SMARCA4: variants seen among roughly 807,000 people sequenced by gnomAD.
The protein encoded by SMARCA4 is SWI/SNF-related matrix-associated actin-dependent regulator of chromatin subfamily A member 4.
Under a neutral mutation model 193.9 loss-of-function variants are expected in SMARCA4, and 31 were observed. That is an observed-to-expected ratio of 0.16 (90% CI 0.12 to 0.22). The LOEUF (loss-of-function observed/expected upper bound fraction) is 0.22, where lower values mean the gene tolerates loss of function less well. SMARCA4 is among the 10% of genes least tolerant of loss of function. The pLI, the probability that SMARCA4 is intolerant of heterozygous loss-of-function variation, is 1.00. For missense variants in SMARCA4, 1,148 were observed against 2,296.0 expected (o/e 0.50, Z 10.22); for synonymous variants, 942 against 933.1 (o/e 1.01, Z -0.17).
At chr19:10,998,895 CTT>C (rs1335988156) in intron 11 of SMARCA4, among the ~76,000 whole-genome samples, 52 of 138,310 alleles carry the variant, frequency 3.8e-4, no homozygotes, top group Admixed American at 5.8e-4. Flanking sequence ...GTCCTGGTTC[CTT>C]TTTTTTTTTT....
intron 34 of SMARCA4, 129 bp from the exon 35 acceptor site, chr19:11,061,655 C>T (rs566944002): frequency 1.2e-5 from 11 of 891,250 alleles, no homozygotes; most frequent in Admixed American, 5.2e-5. Context: ...GGATTACGGG[C>T]GTGAGCCACC....
rs2145943418 is a variant in SMARCA4, at chr19:10,995,006, G to C, written c.1593+5G>C. ...GAGCGCATGCGGAGGCTCATGGTAT[G>C]GTCCTGCCTTCTTGACGTGCGCTCT... is the stretch of plus-strand genomic sequence containing the variant. On this transcript the variant is annotated splice_donor_5th_base_variant and intron_variant, in intron 9 of 34. Transcript: ENST00000344626. 1 of 1,608,520 alleles carries C rather than the reference G, an allele frequency of 6.2e-7. No homozygotes were observed. The highest frequency in any genetic ancestry group is 8.5e-7 in the Non-Finnish European group (1 of 1,177,076).
chr19:11,035,246 ACTCC>A, intron 29 of SMARCA4, 114 bp downstream of exon 29: 1 of 995,130 alleles, frequency 1.0e-6, no homozygotes, highest in Non-Finnish European at 1.6e-6. Context: ...TCCTTGGGCC[ACTCC>A]TGGCCAGGCT....
At chr19:11,015,635 A>G (rs1024479475) in intron 16 of SMARCA4, among the ~76,000 whole-genome samples, 1 of 151,996 alleles carries the variant, frequency 6.6e-6, no homozygotes, top group African/African-American at 2.4e-5. Context: ...TTCTCTTCCT[A>G]CTTTCCTCAA....
In SMARCA4 at chr19:10,986,943, G is replaced by T. The variant is rs2086105423; in HGVS notation, c.799G>T (p.Gly267Cys). 6.2e-7 allele frequency: 1 copy of T among 1,611,950 alleles called. No homozygotes were observed. Residue 267 changes from glycine (G) to cysteine (C), a missense_variant, in exon 5 of 35, where the codon GGC (glycine) becomes TGC (cysteine). Physicochemically the swap from Gly to Cys is radical, Grantham distance 159. Around this residue, in one of 17 missense-constraint regions of SMARCA4, gnomAD observed 257 missense variants for 276.5 expected, o/e 0.93. Transcript: ENST00000344626. This position sits in a 1 kb window ranked among gnomAD's most constrained non-coding sequence, Gnocchi z 6.7. ...CAACATGCCTCCCCCAGGACCCTCG[G>T]GCGTGCCCCCCGGGATGCCAGGCCA... ...GPNMPPPGPS[G>C]VPPGMPGQPP...
chr19:11,030,117 C>T lies in SMARCA4; in HGVS notation c.3383-613C>T, dbSNP rs111669896. Reference sequence around the variant, plus strand: ...CGTGGGTTGTCACCCAGGAGACCTGCTCTGGCTCCTTGACTTGGGTTTTCT... The same window carrying T: ...CGTGGGTTGTCACCCAGGAGACCTGTTCTGGCTCCTTGACTTGGGTTTTCT... On this transcript the variant is annotated intron_variant, in intron 24 of 34. Transcript: ENST00000344626. The surrounding 1 kb of genome is among the most constrained non-coding windows in gnomAD (Gnocchi z 5.5). Among the ~76,000 whole-genome samples the T allele has an allele frequency of 3.2e-3, 480 of 152,334 alleles. 6 individuals carry two copies. Among genetic ancestry groups the T allele is most frequent in the African/African-American group, 0.011 (463 of 41,582 alleles).
chr19:11,036,162 G>T (rs997166072), intron 29 of SMARCA4, among the ~76,000 whole-genome samples: 16 of 152,200 alleles, frequency 1.1e-4, no homozygotes, highest in Non-Finnish European at 4.4e-5. Context: ...CTGTTCCCCA[G>T]CCAGCCTCCC....
chr19:11,061,060 C>T (rs2147139881), intron 34 of SMARCA4, among the ~76,000 whole-genome samples: 1 of 151,918 alleles, frequency 6.6e-6, no homozygotes, highest in East Asian at 1.9e-4. Context: ...CAGTGGCTCA[C>T]ACCTGTAATC....
At chr19:11,006,038 A>G (rs963986100) in intron 13 of SMARCA4, among the ~76,000 whole-genome samples, 5 of 152,344 alleles carry the variant, frequency 3.3e-5, no homozygotes, top group Middle Eastern at 6.8e-3. Context: ...CCACCTGTTT[A>G]TTCCAAGTGA....
chr19:11,047,891 T>C (rs769648672), intron 30 of SMARCA4: 3 of 152,220 alleles, frequency 2.0e-5, no homozygotes, highest in Non-Finnish European at 4.4e-5. Context: ...TTCTAAGGAC[T>C]CAGAGATCAC....
chr19:10,980,814 C>G (rs573540934), intron 1 of SMARCA4: 1 of 152,146 alleles, frequency 6.6e-6, no homozygotes, highest in African/African-American at 2.4e-5. Context: ...TGCAGTGGTG[C>G]GGTCATGGTT....
intron 14 of SMARCA4, among the ~76,000 whole-genome samples, chr19:11,009,613 G>A (rs1474876989): frequency 2.0e-5 from 3 of 151,998 alleles, no homozygotes; most frequent in Admixed American, 1.3e-4. Context: ...CTCTGCCTCC[G>A]GGCTTAAGTG....
In SMARCA4 at chr19:11,019,648, G is replaced by A. The variant is rs1600258142; in HGVS notation, c.2563G>A (p.Val855Ile). 1 of 1,613,734 alleles carries A rather than the reference G, an allele frequency of 6.2e-7. No individual in the cohort carries two copies. The highest frequency in any genetic ancestry group is 8.5e-7 in the Non-Finnish European group (1 of 1,179,880). ...CCAGCTCCGGAGTGGGAAGTTCAACGTCTTGCTGACGACGTACGAGTACAT... is the reference window on the plus strand; with the variant it reads ...CCAGCTCCGGAGTGGGAAGTTCAACATCTTGCTGACGACGTACGAGTACAT... ...VPQLRSGKFN[V>I]LLTTYEYIIK... Residue 855 changes from valine (V) to isoleucine (I), a missense_variant, in exon 18 of 35, where the codon GTC (valine) becomes ATC (isoleucine). Val to Ile is a conservative substitution (Grantham distance 29, BLOSUM62 3). Around this residue, in one of 17 missense-constraint regions of SMARCA4, gnomAD observed 54 missense variants for 123.3 expected, o/e 0.44. Transcript: ENST00000344626. This position sits in a 1 kb window ranked among gnomAD's most constrained non-coding sequence, Gnocchi z 6.1.
At chr19:11,020,869 C>T (rs933956309) in intron 18 of SMARCA4, 2 of 151,548 alleles carry the variant, frequency 1.3e-5, no homozygotes, top group African/African-American at 4.9e-5. Context: ...GACAGAGTCT[C>T]ACAGCTGTCA....
intron 30 of SMARCA4, among the ~76,000 whole-genome samples, chr19:11,046,553 TC>T (rs2075931557): frequency 6.6e-6 from 1 of 152,178 alleles, no homozygotes; most frequent in Admixed American, 6.5e-5. Flanking sequence ...AAAGAAAGCC[TC>T]CTGAGTGCTG....
At chr19:10,980,178 T>G (rs2145663662) in intron 1 of SMARCA4, among the ~76,000 whole-genome samples, 1 of 152,272 alleles carries the variant, frequency 6.6e-6, no homozygotes, top group Non-Finnish European at 1.5e-5. Flanking sequence ...GTCTGAGCTT[T>G]CAATCCGGAA....
At position 11,033,954 on chromosome 19, in the gene SMARCA4, G is replaced by A; in HGVS notation, c.3873+89G>A. 1 of 741,982 alleles carries A rather than the reference G, an allele frequency of 1.3e-6. No individual in the cohort carries two copies. The highest frequency in any genetic ancestry group is 2.5e-6 in the Non-Finnish European group (1 of 405,202). 46.0% of individuals were successfully genotyped at this position (741,982 alleles called of 1,614,324 possible). A position where few individuals can be genotyped will look rare whatever the true frequency, so the allele number is the denominator to read the frequency against. On this transcript the variant is annotated intron_variant, in intron 27 of 34. Coordinates refer to ENST00000344626, the MANE Select transcript of SMARCA4 (RefSeq NM_003072.5). The surrounding 1 kb of genome is among the most constrained non-coding windows in gnomAD (Gnocchi z 9.8). ...CAAGGGCCCTGGTCCCACGGAGCGT[G>A]CGTGTGCGTGTGCGTGTGTGTGCCT... is the stretch of plus-strand genomic sequence containing the variant.
intron 24 of SMARCA4, 126 bp downstream of exon 24, chr19:11,028,076 A>G: frequency 9.8e-7 from 1 of 1,015,640 alleles, no homozygotes; most frequent in Non-Finnish European, 1.6e-6. Context: ...CAGTGGCCAG[A>G]GTGGGCCTAG....
chr19:10,963,049 G>A (rs2083930025), intron 1 of SMARCA4, among the ~76,000 whole-genome samples: 1 of 152,122 alleles, frequency 6.6e-6, no homozygotes, highest in Admixed American at 6.6e-5. Flanking sequence ...AGGGGGTCCT[G>A]TGGAAGATCG....
Sources: allele counts gnomAD v4.1 joint callset (sites outside exome capture counted in the v4.1 genomes callset), GRCh38; gene constraint gnomAD v4.1.1; regional missense constraint gnomAD v4.1.1; non-coding constraint Gnocchi (gnomAD v3.1); transcripts MANE v1.5; gene names NCBI Gene and HGNC (gene_info 2026-07-23, HGNC 2026-07-21).